The following PPP2R3C variants were observed in gnomAD, a reference collection of about 807,000 sequenced individuals.
PPP2R3C encodes the protein serine/threonine-protein phosphatase 2A regulatory subunit B'' subunit gamma.
In PPP2R3C, 47 loss-of-function variants were observed where a neutral mutation model predicts 63.7. That is an observed-to-expected ratio of 0.74 (90% CI 0.58 to 0.94). The LOEUF (loss-of-function observed/expected upper bound fraction) is 0.94. Among genes scored for constraint, PPP2R3C ranks in the 40% least tolerant of loss-of-function variants. The pLI is 0.00. For synonymous variants in PPP2R3C, 180 were observed against 177.4 expected (o/e 1.01, Z -0.12); for missense variants, 421 against 518.4 (o/e 0.81, Z 1.82).
rs533770768 is a variant in PPP2R3C, at chr14:35,088,692, A to G, written c.1114-682T>C. Among the ~76,000 whole-genome samples the G allele has an allele frequency of 3.3e-4, 51 of 152,348 alleles. 1 individual carries two copies. Among genetic ancestry groups the G allele is most frequent in the African/African-American group, 1.2e-3 (48 of 41,584 alleles). On this transcript the variant is annotated intron_variant, in intron 11 of 12. Transcript: ENST00000261475. ...CTTTGAAGTAGATAAGAATCTGAGT[A>G]CATGCTCTGTTAATATAGTAATAGA...
rs2045799557 is a variant in PPP2R3C at position 35,091,068 on chromosome 14, AC to A, written c.1113+1del. 6.3e-7 allele frequency: 1 copy of A among 1,599,842 alleles called. No individual in the cohort carries two copies. The highest frequency in any genetic ancestry group is 1.3e-5 in the African/African-American group (1 of 74,264). On this transcript the variant is annotated splice_donor_variant, in intron 11 of 12. Coordinates refer to ENST00000261475, the MANE Select transcript of PPP2R3C (RefSeq NM_017917.4). LOFTEE classifies it high-confidence loss of function. ...TGACTCACTTATGCAAATGAGACTT[AC>A]CCTAAAGAAATAATTAAGTGAAAAG...
chr14:35,098,287 C>T (rs1210761326), intron 7 of PPP2R3C, among the ~76,000 whole-genome samples: 1 of 149,630 alleles, frequency 6.7e-6, no homozygotes, highest in Non-Finnish European at 1.5e-5. Context: ...TTCAAGTGAT[C>T]CACTTCAGCA....
chr14:35,101,125 G>A (rs1380773563), intron 6 of PPP2R3C: 4 of 152,108 alleles, frequency 2.6e-5, no homozygotes, highest in East Asian at 1.9e-4. Context: ...ACAGTCGCGT[G>A]CCACCATGCC....
chr14:35,100,449 C>G (rs774869034), intron 6 of PPP2R3C: 3 of 152,168 alleles, frequency 2.0e-5, no homozygotes, highest in Non-Finnish European at 4.4e-5. Flanking sequence ...AAGGCTATTT[C>G]TACAGTTCCG....
At chr14:35,119,827 A>G (rs2046811484) in intron 1 of PPP2R3C, among the ~76,000 whole-genome samples, 1 of 150,770 alleles carries the variant, frequency 6.6e-6, no homozygotes. Context: ...GGGACTCTTA[A>G]ATAGGAGCAT....
intron 1 of PPP2R3C, among the ~76,000 whole-genome samples, chr14:35,121,353 C>A (rs1008938042): frequency 6.6e-6 from 1 of 152,090 alleles, no homozygotes; most frequent in African/African-American, 2.4e-5. Context: ...CTCCAGCCAG[C>A]CTGGGCGACA....
Position 35,091,097 on chromosome 14 carries a change from A to G in PPP2R3C, c.1086T>C (p.Asn362=), listed in dbSNP as rs2045800834. The G allele has an allele frequency of 1.2e-6, 2 of 1,605,778 alleles. No homozygotes were observed. The highest frequency in any genetic ancestry group is 1.7e-6 in the Non-Finnish European group (2 of 1,174,580). The part of the protein sequence containing the change: ...LLDIENKGYL[N]VFSLNYFFRA... ...TAAAGAAATAATTAAGTGAAAAGAC[A>G]TTCAGGTATCCTTTGTTCTCAATAT... Residue 362 remains asparagine (N), a synonymous_variant, in exon 11 of 13, where the codon AAT becomes AAC. Transcript: ENST00000261475.
At position 35,108,354 on chromosome 14, in the gene PPP2R3C, C is replaced by T. The variant is rs182026652; in HGVS notation, c.405-118G>A. On this transcript the variant is annotated intron_variant, in intron 4 of 12. Transcript: ENST00000261475. ...ATTAAAAATGAAAGAACAATAGAGACTCCTTATAATTCAAAAACTTAAAAT... is the reference window on the plus strand; with the variant it reads ...ATTAAAAATGAAAGAACAATAGAGATTCCTTATAATTCAAAAACTTAAAAT... 7.9e-5 allele frequency: 98 copies of T among 1,244,284 alleles called. 1 individual carries two copies. In the Middle Eastern group the frequency reaches 1.2e-3, roughly 15 times the overall value. The allele number at this position is 1,244,284 out of a possible 1,614,324, so 77.1% of individuals were successfully genotyped here. A position where few individuals can be genotyped will look rare whatever the true frequency, so the allele number is the denominator to read the frequency against.
intron 12 of PPP2R3C, chr14:35,087,199 T>C (rs560846270): frequency 6.6e-5 from 10 of 152,242 alleles, no homozygotes; most frequent in African/African-American, 2.4e-4. Context: ...ACAACAGATA[T>C]TTACAGGGAA....
Position 35,107,284 on chromosome 14 carries a change from T to A in PPP2R3C, c.573+20A>T, listed in dbSNP as rs1402872236. ...AGTGTCTATAAGAGTTAATATAATA[T>A]CTATAAGGTTAACACTTACAGATTC... On this transcript the variant is annotated intron_variant, in intron 6 of 12. Coordinates refer to ENST00000261475, the MANE Select transcript of PPP2R3C (RefSeq NM_017917.4). The A allele has an allele frequency of 6.5e-7, 1 of 1,539,548 alleles. No individual in the cohort carries two copies. Among genetic ancestry groups the A allele is most frequent in the Non-Finnish European group, 9.0e-7 (1 of 1,112,688 alleles).
chr14:35,091,855 G>A (rs1422999786), intron 10 of PPP2R3C, among the ~76,000 whole-genome samples: 1 of 151,662 alleles, frequency 6.6e-6, no homozygotes, highest in African/African-American at 2.4e-5. Context: ...CAAGTAGCTG[G>A]GAATACAGGT....
intron 2 of PPP2R3C, among the ~76,000 whole-genome samples, chr14:35,112,439 T>C (rs542782425): frequency 6.6e-6 from 1 of 152,312 alleles, no homozygotes; most frequent in East Asian, 1.9e-4. Flanking sequence ...CTTCCTTTTC[T>C]ACATCTTAGC....
Position 35,091,123 on chromosome 14 carries a change from C to G in PPP2R3C, c.1060G>C (p.Asp354His). ...AALQYIFKLL[D>H]IENKGYLNVF... is the part of the protein sequence containing the mutation. ...TTCAGGTATCCTTTGTTCTCAATAT[C>G]AAGCAGTTTGAAAATATATTGTAGA... The change falls in exon 11 of 13, where the codon GAT becomes CAT. Residue 354 changes from aspartate to histidine, a missense_variant. This residue lies in a region of PPP2R3C where 231 missense variants were observed against 264.8 expected (regional missense o/e 0.87). Coordinates refer to ENST00000261475, the MANE Select transcript of PPP2R3C (RefSeq NM_017917.4). 1 of 1,608,296 alleles carries G rather than the reference C, an allele frequency of 6.2e-7. No individual in the cohort carries two copies. Among genetic ancestry groups the G allele is most frequent in the Non-Finnish European group, 8.5e-7 (1 of 1,175,912 alleles).
chr14:35,119,763 TGGAA>T (rs1432713660), intron 1 of PPP2R3C, among the ~76,000 whole-genome samples: 1 of 149,446 alleles, frequency 6.7e-6, no homozygotes, highest in East Asian at 1.9e-4. Context: ...AGGAGGAGGC[TGGAA>T]GGAAGTCAGT....
chr14:35,109,648 A>C (rs2046483010), intron 4 of PPP2R3C, among the ~76,000 whole-genome samples, 171 bp downstream of exon 4: 2 of 151,000 alleles, frequency 1.3e-5, no homozygotes, highest in Non-Finnish European at 3.0e-5. Context: ...TAGAGACAAG[A>C]TCTCCCTAAG....
intron 10 of PPP2R3C, among the ~76,000 whole-genome samples, chr14:35,094,095 G>A (rs2045921427): frequency 6.6e-6 from 1 of 152,134 alleles, no homozygotes; most frequent in Admixed American, 6.5e-5. Flanking sequence ...ATTAAATCAT[G>A]GCATATGTGT....
At chr14:35,097,462 T>A (rs1186861770) in intron 7 of PPP2R3C, among the ~76,000 whole-genome samples, 1 of 151,746 alleles carries the variant, frequency 6.6e-6, no homozygotes, top group East Asian at 1.9e-4. Context: ...GAGCAGAGTT[T>A]GTTTTGTCTT....
At chr14:35,115,762 C>G (rs2046692166) in intron 2 of PPP2R3C, among the ~76,000 whole-genome samples, 1 of 152,052 alleles carries the variant, frequency 6.6e-6, no homozygotes, top group African/African-American at 2.4e-5. Flanking sequence ...GCTAGGATTA[C>G]CGGCGCGCGC....
intron 11 of PPP2R3C, among the ~76,000 whole-genome samples, chr14:35,088,396 T>C (rs1188134617): frequency 3.3e-5 from 5 of 152,166 alleles, no homozygotes; most frequent in African/African-American, 9.7e-5. Context: ...CACTATTCTC[T>C]TAAGATCCCC....
Sources: allele counts gnomAD v4.1 joint callset (sites outside exome capture counted in the v4.1 genomes callset), GRCh38; gene constraint gnomAD v4.1.1; regional missense constraint gnomAD v4.1.1; transcripts MANE v1.5; gene names NCBI Gene and HGNC (gene_info 2026-07-23, HGNC 2026-07-21).